The following MBNL1 variants were observed in gnomAD, a reference collection of about 807,000 sequenced individuals.
MBNL1 encodes muscleblind-like protein 1.
In MBNL1, 8 loss-of-function variants were observed where a neutral mutation model predicts 42.2. The ratio of observed to expected loss-of-function variants is 0.19; its 90% CI spans 0.11 to 0.34. The LOEUF (loss-of-function observed/expected upper bound fraction) is 0.34. MBNL1 is among the 10% of genes least tolerant of loss of function. The pLI is 1.00. For synonymous variants in MBNL1, 169 were observed against 173.9 expected (o/e 0.97, Z 0.22); for missense variants, 309 against 495.3 (o/e 0.62, Z 3.57).
At chr3:152,331,394 A>C (rs1251329804) in intron 2 of MBNL1, among the ~76,000 whole-genome samples, 1 of 152,236 alleles carries the variant, frequency 6.6e-6, no homozygotes, top group African/African-American at 2.4e-5. Context: ...TGTGAGGACA[A>C]AATGACTCAG....
chr3:152,457,063 T>G (rs1201814809), intron 8 of MBNL1, among the ~76,000 whole-genome samples: 1 of 152,170 alleles, frequency 6.6e-6, no homozygotes, highest in African/African-American at 2.4e-5. Flanking sequence ...GCAGGATACT[T>G]TTAAGTGAAA....
At chr3:152,391,301 T>G (rs2097706227) in intron 2 of MBNL1, among the ~76,000 whole-genome samples, 1 of 152,354 alleles carries the variant, frequency 6.6e-6, no homozygotes, top group Non-Finnish European at 1.5e-5. Flanking sequence ...AATTAAAACC[T>G]TACCTAAAAT....
intron 2 of MBNL1, among the ~76,000 whole-genome samples, chr3:152,356,235 TAA>T (rs996760228): frequency 7.0e-6 from 1 of 143,158 alleles, no homozygotes; most frequent in Non-Finnish European, 1.5e-5. Flanking sequence ...CTTTTTTAAT[TAA>T]AAAAAAAAAG....
In MBNL1 at chr3:152,269,914, A is replaced by G. The variant is rs2194979; in HGVS notation, c.-790+822A>G. 68 of 102,758 alleles carry G rather than the reference A, an allele frequency of 6.6e-4. 5 individuals are homozygous for G. The South Asian group carries it at 0.017, about 26-fold the overall frequency. 6.4% of individuals were successfully genotyped at this position (102,758 alleles called of 1,614,324 possible). A position where few individuals can be genotyped will look rare whatever the true frequency, so the allele number is the denominator to read the frequency against. ...CAGGACAAATATGTAGCCACCCCCC[A>G]ACTTTTTTTTTTTTTTTTAAACGGA... On this transcript the variant is annotated intron_variant, in intron 1 of 9. Coordinates refer to ENST00000324210, the MANE Select transcript of MBNL1 (RefSeq NM_021038.5).
chr3:152,259,338 T>C (rs973042297), intron 2 of MBNL1, among the ~76,000 whole-genome samples: 1 of 152,128 alleles, frequency 6.6e-6, no homozygotes, highest in African/African-American at 2.4e-5. Context: ...ATCGTTAAAC[T>C]TCTATTAAAG....
Position 152,456,249 on chromosome 3 carries a change from T to C in MBNL1, c.998-18T>C, listed in dbSNP as rs1324640420. ...ACACTCTTCTGTATGTTCGCTTATATGATTTTCCCTCCGAAAGTTCCCATG... is the reference window on the plus strand; with the variant it reads ...ACACTCTTCTGTATGTTCGCTTATACGATTTTCCCTCCGAAAGTTCCCATG... On this transcript the variant is annotated intron_variant, in intron 7 of 9. Transcript: ENST00000324210. The C allele has an allele frequency of 1.3e-6, 2 of 1,577,170 alleles. No homozygotes were observed. Among genetic ancestry groups the C allele is most frequent in the Non-Finnish European group, 8.7e-7 (1 of 1,146,442 alleles).
chr3:152,355,757 G>A (rs922240655), intron 2 of MBNL1, among the ~76,000 whole-genome samples: 11 of 152,206 alleles, frequency 7.2e-5, no homozygotes, highest in Middle Eastern at 3.4e-3. Context: ...CTGTACTACT[G>A]AAGAGTCAAC....
rs998701244 is a variant in MBNL1, at chr3:152,463,756, A to G, written c.*1390A>G. 6.6e-6 allele frequency: 1 copy of G among 151,952 alleles called. No individual in the cohort carries two copies. The highest frequency in any genetic ancestry group is 1.5e-5 in the Non-Finnish European group (1 of 67,828). The allele number at this position is 151,952 out of a possible 1,614,324, so 9.4% of individuals were successfully genotyped here. On this transcript the variant is annotated 3_prime_UTR_variant, in exon 10 of 10. Coordinates refer to ENST00000324210, the MANE Select transcript of MBNL1 (RefSeq NM_021038.5). The stretch of plus-strand genomic sequence containing the variant: ...TCATCCAAAGGAATTCCTTTTTTTG[A>G]GGTTTGGATGTTGCAGCTAGTAAAG...
intron 2 of MBNL1, among the ~76,000 whole-genome samples, chr3:152,308,603 C>T (rs1320199240): frequency 6.6e-6 from 1 of 152,112 alleles, no homozygotes; most frequent in Non-Finnish European, 1.5e-5. Flanking sequence ...AAGTGACCCC[C>T]ATGTTTCTAA....
chr3:152,459,226 G>T, intron 8 of MBNL1, 45 bp from the exon 9 acceptor site: 1 of 1,050,610 alleles, frequency 9.5e-7, no homozygotes, highest in Non-Finnish European at 1.4e-6. Flanking sequence ...TTAATTGTTG[G>T]CTTGCTTGCA....
intron 2 of MBNL1, among the ~76,000 whole-genome samples, chr3:152,336,731 T>G (rs1311562293): frequency 6.6e-6 from 1 of 152,240 alleles, no homozygotes; most frequent in East Asian, 1.9e-4. Context: ...ATAGCTTTTA[T>G]TTCCTGTGTC....
At chr3:152,445,054 C>T (rs1003921381) in intron 4 of MBNL1, among the ~76,000 whole-genome samples, 1 of 152,022 alleles carries the variant, frequency 6.6e-6, no homozygotes, top group Non-Finnish European at 1.5e-5. Flanking sequence ...GTATTTTTAC[C>T]ATAATTAACA....
intron 2 of MBNL1, among the ~76,000 whole-genome samples, chr3:152,333,141 G>C (rs989668970): frequency 3.9e-5 from 6 of 152,138 alleles, no homozygotes; most frequent in Non-Finnish European, 8.8e-5. Context: ...TGAAATGTAA[G>C]TTTTATTGGC....
intron 2 of MBNL1, among the ~76,000 whole-genome samples, chr3:152,349,410 T>G (rs2094667966): frequency 6.7e-6 from 1 of 149,128 alleles, no homozygotes; most frequent in Admixed American, 6.6e-5. Context: ...GAAACATATC[T>G]TATTTTTAAA....
At chr3:152,451,380 C>A (rs1398351439) in intron 6 of MBNL1, among the ~76,000 whole-genome samples, 3 of 152,264 alleles carry the variant, frequency 2.0e-5, no homozygotes, top group East Asian at 1.9e-4. Flanking sequence ...AACCATACAT[C>A]CATCCATCCT....
intron 6 of MBNL1, among the ~76,000 whole-genome samples, chr3:152,454,499 A>T (rs1729819714): frequency 6.6e-6 from 1 of 152,256 alleles, no homozygotes; most frequent in Non-Finnish European, 1.5e-5. Context: ...TCCCATAGAA[A>T]GAACAGTAGT....
At position 152,414,929 on chromosome 3, in the gene MBNL1, T is replaced by C; in HGVS notation, c.175-12T>C. On this transcript the variant is annotated splice_polypyrimidine_tract_variant and intron_variant, in intron 2 of 9. Coordinates refer to ENST00000324210, the MANE Select transcript of MBNL1 (RefSeq NM_021038.5). ...TTTTCTAAGATGATGTTTGCTGCTT[T>C]TGTTTCTCTAGGGCCGTTGCTCCAG... The C allele has an allele frequency of 6.2e-7, 1 of 1,607,640 alleles. No homozygotes were observed. The highest frequency in any genetic ancestry group is 1.1e-5 in the South Asian group (1 of 89,420).
In MBNL1 at chr3:152,411,756, C is replaced by G. The variant is rs937381362; in HGVS notation, c.175-3185C>G. ...ATGCCAGAAACATTGAATGTCTATA[C>G]AAATCTCCTTTCGTACCTGGTGAAA... On this transcript the variant is annotated intron_variant, in intron 2 of 9. Coordinates refer to ENST00000324210, the MANE Select transcript of MBNL1 (RefSeq NM_021038.5). 1.1e-4 allele frequency among the ~76,000 whole-genome samples: 17 copies of G among 152,252 alleles called. 1 individual carries two copies. Among genetic ancestry groups the G allele is most frequent in the Admixed American group, 9.2e-4 (14 of 15,290 alleles).
At chr3:152,433,062 A>G (rs2153762150) in intron 4 of MBNL1, 142 bp downstream of exon 4, 1 of 657,724 alleles carries the variant, frequency 1.5e-6, no homozygotes, top group Admixed American at 2.9e-5. Flanking sequence ...ACATTTTACT[A>G]GAGTATAGAT....
Sources: allele counts gnomAD v4.1 joint callset (sites outside exome capture counted in the v4.1 genomes callset), GRCh38; gene constraint gnomAD v4.1.1; transcripts MANE v1.5; gene names NCBI Gene and HGNC (gene_info 2026-07-23, HGNC 2026-07-21).